CASP9: variants seen among roughly 807,000 people sequenced by gnomAD.
CASP9 encodes caspase 9, also known as caspase-9.
CASP9 carries 29 observed loss-of-function variants against 43.5 expected under a neutral mutation model. The ratio of observed to expected loss-of-function variants is 0.67; its 90% CI spans 0.50 to 0.91. CASP9 has a LOEUF of 0.91. Among genes scored for constraint, CASP9 ranks in the 40% least tolerant of loss-of-function variants. The pLI, the probability that CASP9 is intolerant of heterozygous loss-of-function variation, is 0.00. For missense variants in CASP9, 575 were observed against 537.4 expected, an observed-to-expected ratio of 1.07 and a Z score of -0.69; for synonymous variants, 206 against 211.9, an observed-to-expected ratio of 0.97 and a Z score of 0.24.
In CASP9 at chr1:15,491,812, G is replaced by A. The variant is rs936647074; in HGVS notation, c.*1131C>T. 3 of 165,952 alleles carry A rather than the reference G, an allele frequency of 1.8e-5. No individual in the cohort carries two copies. The highest frequency in any genetic ancestry group is 7.2e-5 in the African/African-American group (3 of 41,528). The allele number at this position is 165,952 out of a possible 1,614,324, so 10.3% of individuals were successfully genotyped here. ...AGGCTGGCATAAGGACAGCTTAAAA[G>A]ACCTCAGGGTGGAGCCTTGTGGGGA... On this transcript the variant is annotated 3_prime_UTR_variant, in exon 9 of 9. Coordinates refer to ENST00000333868, the MANE Select transcript of CASP9 (RefSeq NM_001229.5).
At position 15,518,379 on chromosome 1, in the gene CASP9, G is replaced by C; in HGVS notation, c.149C>G (p.Ser50Cys). 1 of 1,611,654 alleles carries C rather than the reference G, an allele frequency of 6.2e-7. No individual in the cohort carries two copies. Among genetic ancestry groups the C allele is most frequent in the Non-Finnish European group, 8.5e-7 (1 of 1,178,278 alleles). The change falls in exon 2 of 9, where the codon TCT becomes TGT. Residue 50 changes from serine (S) to cysteine (C), a missense_variant. Physicochemically the swap from Ser to Cys is moderately radical, Grantham distance 112. Transcript: ENST00000333868. ...IEDIQRAGSG[S>C]RRDQARQLII... ...CAGCTGCCTGGCCTGATCCCGCCGA[G>C]ATCCAGAGCCTGCCCGCTGTTTGGA...
chr1:15,501,839 A>G (rs1020769946), intron 6 of CASP9, among the ~76,000 whole-genome samples: 3 of 152,076 alleles, frequency 2.0e-5, no homozygotes, highest in Admixed American at 6.5e-5. Context: ...TAGTGTAAAC[A>G]TGGCTCACTG....
rs191991864 is a variant in CASP9 at position 15,499,648 on chromosome 1, C to T, written c.869-4196G>A. Among the ~76,000 whole-genome samples the T allele has an allele frequency of 1.2e-3, 184 of 152,090 alleles. 2 individuals are homozygous for T. Among genetic ancestry groups the T allele is most frequent in the Non-Finnish European group, 2.0e-3 (134 of 68,012 alleles). ...AAAAATTAGATATCACCTAAATGGC[C>T]GACATTAGGAAAATGGTTTAGTAAA... On this transcript the variant is annotated intron_variant, in intron 6 of 8. Coordinates refer to ENST00000333868, the MANE Select transcript of CASP9 (RefSeq NM_001229.5).
intron 2 of CASP9, among the ~76,000 whole-genome samples, chr1:15,509,996 T>A (rs907318820): frequency 6.6e-6 from 1 of 152,192 alleles, no homozygotes; most frequent in East Asian, 1.9e-4. Flanking sequence ...AGTGGCGCGA[T>A]CTTGCCTCGC....
intron 6 of CASP9, among the ~76,000 whole-genome samples, chr1:15,496,567 G>A (rs545469572): frequency 1.3e-5 from 2 of 152,226 alleles, no homozygotes; most frequent in African/African-American, 2.4e-5. Flanking sequence ...AGCAGGATAC[G>A]AAGCCAACCA....
chr1:15,500,514 C>T (rs879361890), intron 6 of CASP9, among the ~76,000 whole-genome samples: 5 of 152,188 alleles, frequency 3.3e-5, no homozygotes, highest in Admixed American at 6.5e-5. Context: ...GGCATTCTCC[C>T]AGCTGATATG....
At chr1:15,493,086 A>G (rs766305042) in intron 8 of CASP9, 51 bp from the exon 9 acceptor site, 2 of 1,609,446 alleles carry the variant, frequency 1.2e-6, no homozygotes, top group African/African-American at 2.7e-5. Flanking sequence ...TCTGGACTGA[A>G]GGAAGAATTC....
chr1:15,498,423 C>T (rs543953099), intron 6 of CASP9, among the ~76,000 whole-genome samples: 48 of 152,008 alleles, frequency 3.2e-4, no homozygotes, highest in South Asian at 1.0e-3. Context: ...GATCTTAACT[C>T]GCTCCAGCCT....
intron 2 of CASP9, among the ~76,000 whole-genome samples, chr1:15,516,617 A>G (rs1220171551): frequency 6.6e-6 from 1 of 152,194 alleles, no homozygotes; most frequent in Non-Finnish European, 1.5e-5. Context: ...CTTGTCCTAC[A>G]GGCTCACACC....
At chr1:15,494,238 G>A (rs1459757550) in intron 7 of CASP9, among the ~76,000 whole-genome samples, 2 of 152,124 alleles carry the variant, frequency 1.3e-5, no homozygotes, top group Admixed American at 1.3e-4. Flanking sequence ...ACCAAGGCTT[G>A]GAAAAGTCAA....
rs572383843 is a variant in CASP9 at position 15,492,537 on chromosome 1, C to T, written c.*406G>A. 85 of 169,966 alleles carry T rather than the reference C, an allele frequency of 5.0e-4. No homozygotes were observed. Among genetic ancestry groups the T allele is most frequent in the Admixed American group, 6.2e-4 (10 of 16,144 alleles). The allele number at this position is 169,966 out of a possible 1,614,324, so 10.5% of individuals were successfully genotyped here. ...TTGTTTGGCACCACTCAGGAAGACG[C>T]GTTACTGGCATTGAGGCAAGGGACA... On this transcript the variant is annotated 3_prime_UTR_variant, in exon 9 of 9. Transcript: ENST00000333868.
At chr1:15,524,579 T>TCACGTCCCCGCACA, upstream of CASP9, 2 of 645,870 alleles carry the variant, frequency 3.1e-6, no homozygotes, top group African/African-American at 3.5e-5. Flanking sequence ...ATCCCCGCAC[T>TCACGTCCCCGCACA]GACCTCACGT....
At chr1:15,524,546 CCCCGCCCCAGAA>C (rs1710372284), upstream of CASP9, 1 of 336,846 alleles carries the variant, frequency 3.0e-6, no homozygotes, top group Non-Finnish European at 4.7e-6. Flanking sequence ...ACCACTGCGT[CCCCGCCCCAGAA>C]CCCGCCCCGT....
Position 15,495,277 on chromosome 1 carries a change from G to T in CASP9, c.1044C>A (p.Phe348Leu), listed in dbSNP as rs1034918493. 6 of 1,610,344 alleles carry T rather than the reference G, an allele frequency of 3.7e-6. No homozygotes were observed. Among genetic ancestry groups the T allele is most frequent in the Non-Finnish European group, 5.1e-6 (6 of 1,178,548 alleles). ...GAGCCCTTCTGATGTGCTCACCTGG[G>T]AAAGTAGAGTAGGACACAAAGATGT... Reference protein sequence around the residue: ...PSDIFVSYSTFPGFVSWRDPK... With the variant: ...PSDIFVSYSTLPGFVSWRDPK... Residue 348 changes from phenylalanine to leucine, a missense_variant, in exon 7 of 9, where the codon TTC becomes TTA. Coordinates refer to ENST00000333868, the MANE Select transcript of CASP9 (RefSeq NM_001229.5).
intron 1 of CASP9, among the ~76,000 whole-genome samples, chr1:15,523,637 G>C (rs1286736252): frequency 6.6e-6 from 1 of 151,562 alleles, no homozygotes; most frequent in Admixed American, 6.6e-5. Flanking sequence ...TAAAACTTAA[G>C]ACCAGCCAAA....
chr1:15,506,780 C>T, intron 4 of CASP9, 119 bp downstream of exon 4: 2 of 829,286 alleles, frequency 2.4e-6, no homozygotes, highest in South Asian at 1.7e-5. Context: ...TCCTACCTCC[C>T]ATGGTCCTCC....
intron 2 of CASP9, among the ~76,000 whole-genome samples, chr1:15,517,051 T>G (rs888763587): frequency 1.3e-5 from 2 of 152,190 alleles, no homozygotes; most frequent in Admixed American, 6.5e-5. Flanking sequence ...TACTCAATAA[T>G]GTTCACCATT....
intron 2 of CASP9, among the ~76,000 whole-genome samples, chr1:15,512,338 T>C (rs978306934): frequency 5.3e-5 from 8 of 151,998 alleles, no homozygotes; most frequent in African/African-American, 1.9e-4. Flanking sequence ...AGAATGGGAT[T>C]TGAATAGGTA....
Position 15,491,555 on chromosome 1 carries a change from C to T in CASP9, c.*1388G>A. 2.0e-6 allele frequency: 1 copy of T among 498,654 alleles called. No individual in the cohort carries two copies. Among genetic ancestry groups the T allele is most frequent in the Non-Finnish European group, 3.6e-6 (1 of 276,636 alleles). 30.9% of individuals were successfully genotyped at this position (498,654 alleles called of 1,614,324 possible). ...GGCTGATCGCTTGAGTCCAGGAGTTCAAGACCAGCCTGAGTAACATGGCAT... is the reference window on the plus strand; with the variant it reads ...GGCTGATCGCTTGAGTCCAGGAGTTTAAGACCAGCCTGAGTAACATGGCAT... On this transcript the variant is annotated 3_prime_UTR_variant, in exon 9 of 9. Transcript: ENST00000333868.
Sources: gnomAD v4.1 joint callset for allele counts (sites outside exome capture counted in the v4.1 genomes callset) on GRCh38, gnomAD v4.1.1 for gene constraint, MANE v1.5 for transcripts, NCBI Gene and HGNC (gene_info 2026-07-23, HGNC 2026-07-21) for gene names.